The following CCR3 variants were observed in gnomAD, a reference collection of about 807,000 sequenced individuals.
CCR3 encodes the protein C-C chemokine receptor type 3.
For missense variants in CCR3, 419 were observed against 437.5 expected, an observed-to-expected ratio of 0.96 and a Z score of 0.38; for synonymous variants, 203 against 179.2, an observed-to-expected ratio of 1.13 and a Z score of -1.06.
intron 1 of CCR3, 25 bp from the exon 2 acceptor site, chr3:46,265,123 T>C: frequency 1.1e-5 from 16 of 1,427,072 alleles, no homozygotes; most frequent in Non-Finnish European, 1.6e-5. Context: ...CATTGTGGGA[T>C]TGTATTTTTC....
intron 2 of CCR3, among the ~76,000 whole-genome samples, chr3:46,236,094 T>C (rs1273613643): frequency 6.6e-6 from 1 of 152,242 alleles, no homozygotes; most frequent in Non-Finnish European, 1.5e-5. Context: ...CAATACTGAC[T>C]GACTTGGGGA....
chr3:46,257,333 A>G (rs990374001), intron 1 of CCR3, among the ~76,000 whole-genome samples: 1 of 152,096 alleles, frequency 6.6e-6, no homozygotes, highest in Non-Finnish European at 1.5e-5. Flanking sequence ...GTTGCAATTA[A>G]AGGATTGGTG....
chr3:46,228,041 A>C (rs1321068393), intron 2 of CCR3, among the ~76,000 whole-genome samples: 3 of 152,184 alleles, frequency 2.0e-5, no homozygotes, highest in Non-Finnish European at 4.4e-5. Context: ...TTGTATGACC[A>C]AACCTTGACA....
intron 1 of CCR3, among the ~76,000 whole-genome samples, chr3:46,259,539 T>C (rs528158611): frequency 2.0e-5 from 3 of 152,332 alleles, no homozygotes; most frequent in Non-Finnish European, 4.4e-5. Context: ...GATATATCTA[T>C]ACAAATATAA....
At chr3:46,261,693 A>G (rs3091309) in intron 1 of CCR3, among the ~76,000 whole-genome samples, 132,966 of 152,246 alleles carry the variant, frequency 0.87, 58,541 homozygotes, top group East Asian at 1. Flanking sequence ...TGGCCAGTGC[A>G]GTTAAGTTGG....
chr3:46,223,092 G>A (rs1401478556), intron 2 of CCR3, among the ~76,000 whole-genome samples: 1 of 152,228 alleles, frequency 6.6e-6, no homozygotes, highest in African/African-American at 2.4e-5. Context: ...GTTGGCTCAC[G>A]CCTGTAATCC....
chr3:46,258,676 G>C lies in CCR3; in HGVS notation c.-11-6472G>C, dbSNP rs146566392. 2.4e-3 allele frequency among the ~76,000 whole-genome samples: 358 copies of C among 152,194 alleles called. 1 individual carries two copies. The highest frequency in any genetic ancestry group is 8.2e-3 in the African/African-American group (341 of 41,514). On this transcript the variant is annotated intron_variant, in intron 1 of 1. Transcript: ENST00000395940. ...AACTAGAATCTCAGTAAGTTATTTT[G>C]ATGACTCTTATTCATATAGTTTTGG...
rs200624705 is a variant in CCR3 at position 46,265,890 on chromosome 3, C to G, written c.732C>G (p.Ile244Met). The G allele has an allele frequency of 6.2e-7, 1 of 1,614,150 alleles. No homozygotes were observed. The highest frequency in any genetic ancestry group is 8.5e-7 in the Non-Finnish European group (1 of 1,180,006). Residue 244 changes from isoleucine to methionine, a missense_variant, in exon 2 of 2, where the codon ATC becomes ATG. By Grantham distance (10) the Ile-to-Met change is conservative (BLOSUM62 1). Transcript: ENST00000395940. ...KYKAIRLIFV[I>M]MAVFFIFWTP... Reference sequence around the variant, plus strand: ...AGGCCATCCGGCTCATTTTTGTCATCATGGCGGTGTTTTTCATTTTCTGGA... The same window carrying G: ...AGGCCATCCGGCTCATTTTTGTCATGATGGCGGTGTTTTTCATTTTCTGGA...
chr3:46,244,461 GA>G (rs1395300322), intron 1 of CCR3, among the ~76,000 whole-genome samples: 1 of 152,160 alleles, frequency 6.6e-6, no homozygotes, highest in Non-Finnish European at 1.5e-5. Flanking sequence ...GGCTGAGTCC[GA>G]AAAGAGTCAG....
chr3:46,222,856 A>C (rs1485867937), intron 2 of CCR3, among the ~76,000 whole-genome samples: 1 of 152,220 alleles, frequency 6.6e-6, no homozygotes, highest in African/African-American at 2.4e-5. Context: ...AGCCGATGGG[A>C]GCTACGTGGC....
upstream of CCR3, among the ~76,000 whole-genome samples, chr3:46,238,117 T>C (rs1466783381): frequency 6.6e-6 from 1 of 152,250 alleles, no homozygotes; most frequent in Non-Finnish European, 1.5e-5. Context: ...AAACAAATAA[T>C]GAGCTGCTTT....
chr3:46,232,017 C>T (rs1014995154), intron 2 of CCR3, among the ~76,000 whole-genome samples: 18 of 152,200 alleles, frequency 1.2e-4, no homozygotes, highest in African/African-American at 4.1e-4. Context: ...ATTGTTTTTG[C>T]ATTTAATTAG....
intron 1 of CCR3, among the ~76,000 whole-genome samples, chr3:46,246,422 G>A (rs533632378): frequency 2.0e-5 from 3 of 152,220 alleles, no homozygotes; most frequent in African/African-American, 4.8e-5. Context: ...ATTTGGGTAG[G>A]TAGAGGAAAA....
At chr3:46,230,170 T>C (rs903529711) in intron 2 of CCR3, among the ~76,000 whole-genome samples, 1 of 151,948 alleles carries the variant, frequency 6.6e-6, no homozygotes, top group Admixed American at 6.6e-5. Context: ...CTCCACAGGG[T>C]CCAGCAGAGC....
chr3:46,219,536 A>G (rs1175609815), intron 2 of CCR3, among the ~76,000 whole-genome samples: 4 of 152,190 alleles, frequency 2.6e-5, no homozygotes, highest in Non-Finnish European at 5.9e-5. Context: ...AGCAAGACTA[A>G]ACAAAAAGAA....
intron 2 of CCR3, among the ~76,000 whole-genome samples, chr3:46,225,903 C>A (rs976750228): frequency 6.6e-6 from 1 of 152,136 alleles, no homozygotes; most frequent in Non-Finnish European, 1.5e-5. Context: ...GGTTTATCTA[C>A]GAATGTACAA....
At chr3:46,263,900 G>A (rs41276531) in intron 1 of CCR3, 26 of 154,032 alleles carry the variant, frequency 1.7e-4, no homozygotes, top group Non-Finnish European at 2.3e-4. Context: ...ACAATTCCCC[G>A]CATTGGCCCC....
intron 1 of CCR3, among the ~76,000 whole-genome samples, chr3:46,254,869 G>A (rs1201032247): frequency 6.6e-6 from 1 of 152,104 alleles, no homozygotes; most frequent in African/African-American, 2.4e-5. Context: ...AAATGTGTGT[G>A]CAAGTATCTT....
intron 2 of CCR3, among the ~76,000 whole-genome samples, chr3:46,214,582 A>T (rs762785490): frequency 6.6e-6 from 1 of 152,110 alleles, no homozygotes; most frequent in Non-Finnish European, 1.5e-5. Flanking sequence ...GGTCACACTG[A>T]GGTATGAGGA....
Sources: gnomAD v4.1 joint callset for allele counts (sites outside exome capture counted in the v4.1 genomes callset) on GRCh38, gnomAD v4.1.1 for gene constraint, MANE v1.5 for transcripts, NCBI Gene and HGNC (gene_info 2026-07-23, HGNC 2026-07-21) for gene names.